The following DOCK4 variants were observed in gnomAD, a reference collection of about 807,000 sequenced individuals.
DOCK4 encodes the protein dedicator of cytokinesis protein 4.
Under a neutral mutation model 268.1 loss-of-function variants are expected in DOCK4, and 97 were observed. That is an observed-to-expected ratio of 0.36 (90% CI 0.31 to 0.43). The LOEUF (loss-of-function observed/expected upper bound fraction) is 0.43. Among genes scored for constraint, DOCK4 ranks in the 20% least tolerant of loss-of-function variants. DOCK4 has a pLI of 1.00. For synonymous variants in DOCK4, 954 were observed against 887.2 expected (o/e 1.08, Z -1.34); for missense variants, 2,145 against 2,455.7 (o/e 0.87, Z 2.67).
At chr7:111,817,151 G>C (rs996658833) in intron 27 of DOCK4, among the ~76,000 whole-genome samples, 1 of 152,178 alleles carries the variant, frequency 6.6e-6, no homozygotes, top group Non-Finnish European at 1.5e-5. Flanking sequence ...AACTCACCTG[G>C]AGGAGATGGA....
intron 1 of DOCK4, among the ~76,000 whole-genome samples, chr7:112,044,133 G>T (rs952521844): frequency 2.0e-5 from 3 of 152,100 alleles, no homozygotes; most frequent in African/African-American, 7.2e-5. Context: ...TTTAACCAAG[G>T]TCATACAGTA....
At chr7:111,832,937 C>T (rs1802954875) in intron 26 of DOCK4, among the ~76,000 whole-genome samples, 2 of 152,218 alleles carry the variant, frequency 1.3e-5, no homozygotes, top group African/African-American at 4.8e-5. Flanking sequence ...TGTTTTATTA[C>T]TGCTAACATG....
intron 32 of DOCK4, among the ~76,000 whole-genome samples, chr7:111,788,125 A>C (rs1192704776): frequency 6.6e-6 from 1 of 152,212 alleles, no homozygotes; most frequent in Admixed American, 6.5e-5. Context: ...CAAAACACAG[A>C]ATTTACTAAA....
intron 25 of DOCK4, among the ~76,000 whole-genome samples, chr7:111,836,119 C>T (rs1803222066): frequency 1.3e-5 from 2 of 151,312 alleles, no homozygotes; most frequent in Admixed American, 6.6e-5. Flanking sequence ...GGTAGTAACC[C>T]AACCCAACAC....
intron 17 of DOCK4, among the ~76,000 whole-genome samples, chr7:111,876,751 T>C (rs553896073): frequency 1.3e-5 from 2 of 151,334 alleles, no homozygotes; most frequent in African/African-American, 4.8e-5. Context: ...TATTTTCGTT[T>C]TTTTTTTTTT....
chr7:112,153,687 T>C (rs1041766188), intron 1 of DOCK4, among the ~76,000 whole-genome samples: 10 of 152,166 alleles, frequency 6.6e-5, no homozygotes, highest in African/African-American at 2.2e-4. Flanking sequence ...CCATTATTTA[T>C]AACATTATTC....
intron 51 of DOCK4, 40 bp from the exon 52 acceptor site, chr7:111,732,327 A>T (rs760557494): frequency 6.2e-7 from 1 of 1,605,004 alleles, no homozygotes; most frequent in Non-Finnish European, 8.5e-7. Flanking sequence ...ATTAAGAAAA[A>T]CCAGACGATT....
At chr7:112,080,476 T>G (rs1206897632) in intron 1 of DOCK4, among the ~76,000 whole-genome samples, 1 of 152,206 alleles carries the variant, frequency 6.6e-6, no homozygotes, top group African/African-American at 2.4e-5. Flanking sequence ...GATAGAGAAA[T>G]GTTACATATC....
intron 1 of DOCK4, among the ~76,000 whole-genome samples, chr7:112,038,814 C>T (rs1015078054): frequency 6.6e-6 from 1 of 152,228 alleles, no homozygotes; most frequent in Non-Finnish European, 1.5e-5. Context: ...GATTTAAATC[C>T]TTGTTCTTCA....
At chr7:111,760,678 T>C (rs1797333515) in intron 39 of DOCK4, among the ~76,000 whole-genome samples, 1 of 152,102 alleles carries the variant, frequency 6.6e-6, no homozygotes, top group South Asian at 2.1e-4. Flanking sequence ...ATAAAGTACA[T>C]ATCAAATTCA....
chr7:112,093,878 GA>G (rs5886610), intron 1 of DOCK4, among the ~76,000 whole-genome samples: 38,257 of 129,346 alleles, frequency 0.3, 4,870 homozygotes, highest in East Asian at 0.35. Flanking sequence ...GACATATAAG[GA>G]AAAAAAAAAA....
Position 112,059,134 on chromosome 7 carries a change from C to CTTTTTTT in DOCK4, c.38-55010_38-55004dup, listed in dbSNP as rs572050793. On this transcript the variant is annotated intron_variant, in intron 1 of 52. Coordinates refer to ENST00000428084, the MANE Select transcript of DOCK4 (RefSeq NM_001363540.2). ...TCATAAAATTATACTGCAGCATTTCCTTTTTTTTTTTTTTTTTTTTTTTTT... is the reference window on the plus strand; with the variant it reads ...TCATAAAATTATACTGCAGCATTTCCTTTTTTTTTTTTTTTTTTTTTTTTTTTTTTTT... Among the ~76,000 whole-genome samples the CTTTTTTT allele has an allele frequency of 8.0e-4, 79 of 98,998 alleles. 5 individuals are homozygous for CTTTTTTT. The highest frequency in any genetic ancestry group is 2.8e-3 in the African/African-American group (57 of 20,006). 64.9% of individuals were successfully genotyped at this position (98,998 alleles called of 152,430 possible). A position where few individuals can be genotyped will look rare whatever the true frequency, so the allele number is the denominator to read the frequency against.
chr7:111,875,759 T>C (rs1193280925), intron 17 of DOCK4, among the ~76,000 whole-genome samples: 1 of 152,232 alleles, frequency 6.6e-6, no homozygotes, highest in Non-Finnish European at 1.5e-5. Context: ...CCAGGGGGAA[T>C]GCAGCCCTGC....
intron 1 of DOCK4, among the ~76,000 whole-genome samples, chr7:112,006,874 C>T (rs920836877): frequency 5.3e-5 from 8 of 152,150 alleles, no homozygotes; most frequent in Non-Finnish European, 7.4e-5. Context: ...AACTGCTCTC[C>T]GACTTTTCTA....
At chr7:111,989,195 G>C in intron 5 of DOCK4, 32 bp from the exon 6 acceptor site, 1 of 1,612,762 alleles carries the variant, frequency 6.2e-7, no homozygotes, top group Non-Finnish European at 8.5e-7. Context: ...AGATTTGGCA[G>C]TCAGTACCTA....
chr7:112,051,859 A>C (rs1377861011), intron 1 of DOCK4, among the ~76,000 whole-genome samples: 4 of 152,166 alleles, frequency 2.6e-5, no homozygotes, highest in Non-Finnish European at 5.9e-5. Flanking sequence ...AATTTTAATT[A>C]AAACCTTAAA....
chr7:111,830,694 T>G (rs1390746511), intron 26 of DOCK4, among the ~76,000 whole-genome samples: 1 of 152,104 alleles, frequency 6.6e-6, no homozygotes, highest in Non-Finnish European at 1.5e-5. Flanking sequence ...TAAACATGCT[T>G]AAGTCTCCTC....
chr7:111,853,937 G>GT (rs376993491), intron 23 of DOCK4, among the ~76,000 whole-genome samples: 2,990 of 148,914 alleles, frequency 0.02, 88 homozygotes, highest in African/African-American at 0.061. Flanking sequence ...TTGTTGTTTG[G>GT]TTTTTTTTTT....
At chr7:111,754,109 C>T (rs1796870064) in intron 42 of DOCK4, among the ~76,000 whole-genome samples, 1 of 152,190 alleles carries the variant, frequency 6.6e-6, no homozygotes, top group Non-Finnish European at 1.5e-5. Flanking sequence ...AACACTTCTA[C>T]AAGTTGGACC....
Sources: allele counts gnomAD v4.1 joint callset (sites outside exome capture counted in the v4.1 genomes callset), GRCh38; gene constraint gnomAD v4.1.1; transcripts MANE v1.5; gene names NCBI Gene and HGNC (gene_info 2026-07-23, HGNC 2026-07-21).